CSMD1: variants seen among roughly 807,000 people sequenced by gnomAD.
CSMD1 encodes CUB and sushi domain-containing protein 1.
Under a neutral mutation model 417.5 loss-of-function variants are expected in CSMD1, and 213 were observed. The observed-to-expected ratio is 0.51, with a 90% CI of 0.46 to 0.57. The LOEUF (loss-of-function observed/expected upper bound fraction) is 0.57, where lower values mean the gene tolerates loss of function less well. Ranked by LOEUF, CSMD1 falls within the 20% of genes least tolerant of loss-of-function variation. The pLI is 0.00. For synonymous variants in CSMD1, 2,862 were observed against 1,736.8 expected, an observed-to-expected ratio of 1.65 and a Z score of -16.11; for missense variants, 6,923 against 4,529.7, an observed-to-expected ratio of 1.53 and a Z score of -15.17.
At chr8:3,063,894 G>C (rs1398402762) in intron 49 of CSMD1, among the ~76,000 whole-genome samples, 1 of 152,158 alleles carries the variant, frequency 6.6e-6, no homozygotes, top group Non-Finnish European at 1.5e-5. Flanking sequence ...ACCAGAGATG[G>C]ACAGTGGTGA....
At chr8:4,956,698 T>G (rs1809135884) in intron 1 of CSMD1, among the ~76,000 whole-genome samples, 1 of 152,162 alleles carries the variant, frequency 6.6e-6, no homozygotes, top group African/African-American at 2.4e-5. Flanking sequence ...ACTTACAGTA[T>G]GATGAACTTA....
At chr8:4,397,947 A>C (rs1219144494) in intron 3 of CSMD1, among the ~76,000 whole-genome samples, 1 of 152,168 alleles carries the variant, frequency 6.6e-6, no homozygotes, top group Non-Finnish European at 1.5e-5. Flanking sequence ...GTAGGAAAAA[A>C]TGGGTTGTCA....
chr8:4,230,018 A>C (rs1233100802), intron 3 of CSMD1, among the ~76,000 whole-genome samples: 1 of 152,224 alleles, frequency 6.6e-6, no homozygotes, highest in Admixed American at 6.5e-5. Flanking sequence ...TGATTTTGCT[A>C]TTCAACATTT....
intron 2 of CSMD1, among the ~76,000 whole-genome samples, chr8:4,480,312 G>C (rs770002707): frequency 3.9e-5 from 6 of 152,052 alleles, no homozygotes; most frequent in Middle Eastern, 3.2e-3. Flanking sequence ...CACTTAACCT[G>C]TGTGTTTCTG....
Position 4,572,895 on chromosome 8 carries a change from C to T in CSMD1, c.302+64447G>A, listed in dbSNP as rs560177460. 1.5e-3 allele frequency among the ~76,000 whole-genome samples: 223 copies of T among 152,104 alleles called. 1 individual carries two copies. Among genetic ancestry groups the T allele is most frequent in the African/African-American group, 4.9e-3 (203 of 41,486 alleles). On this transcript the variant is annotated intron_variant, in intron 2 of 69. Transcript: ENST00000635120. The stretch of plus-strand genomic sequence containing the variant: ...CTTCAATCGCTGATATCCTTTCTTC[C>T]GCTTGATCAATTCGGCTACTGATAC...
chr8:4,080,520 C>G (rs898742237), intron 3 of CSMD1, among the ~76,000 whole-genome samples: 2 of 152,164 alleles, frequency 1.3e-5, no homozygotes, highest in Non-Finnish European at 2.9e-5. Flanking sequence ...AGATACTGAT[C>G]AAGACTGTCT....
chr8:3,535,261 A>T (rs1321773718), intron 10 of CSMD1, among the ~76,000 whole-genome samples: 1 of 152,148 alleles, frequency 6.6e-6, no homozygotes, highest in Non-Finnish European at 1.5e-5. Context: ...CCACTGTGGG[A>T]AGCTAATGAC....
In CSMD1 at chr8:3,406,192, C is replaced by T; in HGVS notation, c.2101G>A (p.Gly701Ser). ...TFGQNECHDP[G>S]IPINGRRFGD... The stretch of plus-strand genomic sequence containing the variant: ...AAACGTCGTCCGTTTATAGGAATGC[C>T]AGGATCATGGCACTCATTCTGACCA... The change falls in exon 15 of 70, where the codon GGC (glycine) becomes AGC (serine). Residue 701 changes from glycine (G) to serine (S), a missense_variant. By Grantham distance (56) the Gly-to-Ser change is moderately conservative. Transcript: ENST00000635120. 1.9e-6 allele frequency: 3 copies of T among 1,610,374 alleles called. No homozygotes were observed. The highest frequency in any genetic ancestry group is 2.5e-6 in the Non-Finnish European group (3 of 1,178,110).
At chr8:4,411,571 T>C (rs536011724) in intron 3 of CSMD1, among the ~76,000 whole-genome samples, 12 of 152,324 alleles carry the variant, frequency 7.9e-5, no homozygotes, top group Admixed American at 3.9e-4. Flanking sequence ...TCTGTGCTCA[T>C]TGCAATGAGC....
At chr8:3,319,145 G>C (rs1805979108) in intron 23 of CSMD1, among the ~76,000 whole-genome samples, 1 of 152,128 alleles carries the variant, frequency 6.6e-6, no homozygotes, top group Non-Finnish European at 1.5e-5. Context: ...TGCTGAAAAG[G>C]CCTAGCTTTT....
intron 5 of CSMD1, among the ~76,000 whole-genome samples, chr8:3,943,333 C>T (rs1158372131): frequency 6.9e-6 from 1 of 145,632 alleles, no homozygotes; most frequent in Admixed American, 7.0e-5. Flanking sequence ...GTGAAGTATT[C>T]TTGTAGTGAG....
intron 2 of CSMD1, among the ~76,000 whole-genome samples, chr8:4,548,824 T>C (rs2130552472): frequency 6.6e-6 from 1 of 152,262 alleles, no homozygotes; most frequent in East Asian, 1.9e-4. Context: ...ATGGAGAGCA[T>C]ACTGCCTTGG....
intron 1 of CSMD1, among the ~76,000 whole-genome samples, chr8:4,916,779 G>A (rs902142067): frequency 2.0e-5 from 3 of 152,236 alleles, no homozygotes; most frequent in African/African-American, 7.2e-5. Flanking sequence ...GTGACAGCTA[G>A]ATGCTAACGT....
intron 45 of CSMD1, 142 bp downstream of exon 45, chr8:3,107,576 T>G: frequency 3.6e-6 from 2 of 552,116 alleles, no homozygotes; most frequent in Non-Finnish European, 6.2e-6. Context: ...CAGCAATACT[T>G]TAAGGATAGT....
chr8:4,792,156 T>C (rs1797726998), intron 1 of CSMD1, among the ~76,000 whole-genome samples: 1 of 152,176 alleles, frequency 6.6e-6, no homozygotes, highest in Admixed American at 6.5e-5. Context: ...TCCTTCCTCC[T>C]TCCTATCTTT....
chr8:3,003,830 G>T (rs1025634921), intron 52 of CSMD1, among the ~76,000 whole-genome samples: 2 of 152,146 alleles, frequency 1.3e-5, no homozygotes, highest in African/African-American at 4.8e-5. Flanking sequence ...CCAGGAAAAG[G>T]TGATGGCAAG....
intron 3 of CSMD1, among the ~76,000 whole-genome samples, chr8:4,176,441 C>T (rs904328240): frequency 6.6e-6 from 1 of 152,038 alleles, no homozygotes; most frequent in African/African-American, 2.4e-5. Context: ...GGAAGCTTTC[C>T]TTTCCTTTTT....
At chr8:3,452,661 T>A (rs1815818502) in intron 12 of CSMD1, among the ~76,000 whole-genome samples, 1 of 152,220 alleles carries the variant, frequency 6.6e-6, no homozygotes, top group Non-Finnish European at 1.5e-5. Context: ...ATCCCAGGGA[T>A]GAAACCCACT....
At chr8:4,295,031 T>C (rs1446565392) in intron 3 of CSMD1, among the ~76,000 whole-genome samples, 1 of 148,496 alleles carries the variant, frequency 6.7e-6, no homozygotes, top group Non-Finnish European at 1.5e-5. Context: ...TATATACATA[T>C]AATATATGTA....
Sources: allele counts gnomAD v4.1 joint callset (sites outside exome capture counted in the v4.1 genomes callset), GRCh38; gene constraint gnomAD v4.1.1; transcripts MANE v1.5; gene names NCBI Gene and HGNC (gene_info 2026-07-23, HGNC 2026-07-21).